PARD3B: variants seen among roughly 807,000 people sequenced by gnomAD.
PARD3B encodes par-3 family cell polarity regulator beta, also known as partitioning defective 3 homolog B.
A neutral mutation model predicts 130.2 loss-of-function variants in PARD3B; 103 were observed. The observed-to-expected ratio is 0.79, with a 90% CI of 0.67 to 0.93. The LOEUF is 0.93. Ranked by LOEUF, PARD3B falls within the 40% of genes least tolerant of loss-of-function variation. The pLI is 0.00. For missense variants in PARD3B, 1,609 were observed against 1,499.2 expected (o/e 1.07, Z -1.21); for synonymous variants, 583 against 553.2 (o/e 1.05, Z -0.76).
chr2:204,938,926 C>G (rs562791127), intron 2 of PARD3B, among the ~76,000 whole-genome samples: 15 of 152,142 alleles, frequency 9.9e-5, no homozygotes, highest in Non-Finnish European at 1.9e-4. Context: ...ATATGGATGC[C>G]CTTGACTATC....
intron 10 of PARD3B, among the ~76,000 whole-genome samples, chr2:205,140,508 A>G (rs1229793158): frequency 7.0e-6 from 1 of 142,878 alleles, no homozygotes; most frequent in Admixed American, 6.9e-5. Flanking sequence ...TTTTTTTTAA[A>G]GTTTCCAAAT....
At chr2:204,885,438 C>T (rs2046238873) in intron 2 of PARD3B, among the ~76,000 whole-genome samples, 1 of 152,112 alleles carries the variant, frequency 6.6e-6, no homozygotes, top group South Asian at 2.1e-4. Context: ...TGTTCATTAG[C>T]AGAGTGTTCT....
intron 1 of PARD3B, among the ~76,000 whole-genome samples, chr2:204,599,135 C>T (rs2033410891): frequency 6.6e-6 from 1 of 151,734 alleles, no homozygotes; most frequent in Non-Finnish European, 1.5e-5. Context: ...GCACAGTGAT[C>T]AGATCAGGGT....
chr2:204,843,026 C>G (rs7597537), intron 2 of PARD3B, among the ~76,000 whole-genome samples: 147,997 of 152,216 alleles, frequency 0.97, 72,037 homozygotes, highest in African/African-American at 1. Context: ...TTCAAACATG[C>G]GTGTCTGGGC....
chr2:205,223,291 G>A (rs914024088), intron 15 of PARD3B, among the ~76,000 whole-genome samples: 2 of 152,204 alleles, frequency 1.3e-5, no homozygotes, highest in African/African-American at 4.8e-5. Context: ...TATTAGTGAA[G>A]GTTTGGAGTA....
rs1272733452 is a variant in PARD3B, at chr2:205,366,629, T to C, written c.2631-34384T>C. 6.6e-6 allele frequency among the ~76,000 whole-genome samples: 1 copy of C among 152,220 alleles called. No individual in the cohort carries two copies. Among genetic ancestry groups the C allele is most frequent in the Non-Finnish European group, 1.5e-5 (1 of 68,044 alleles). The stretch of plus-strand genomic sequence containing the variant: ...ATCATGCTACCTGTCAGCATACAGA[T>C]GACACTCAAATCTGTCTCCTCTCAA... On this transcript the variant is annotated intron_variant, in intron 18 of 22. Coordinates refer to ENST00000406610, the MANE Select transcript of PARD3B (RefSeq NM_001302769.2). The surrounding 1 kb of genome is among the most constrained non-coding windows in gnomAD (Gnocchi z 5.0).
At chr2:204,914,628 C>G (rs1328423099) in intron 2 of PARD3B, among the ~76,000 whole-genome samples, 1 of 152,098 alleles carries the variant, frequency 6.6e-6, no homozygotes, top group Non-Finnish European at 1.5e-5. Flanking sequence ...TGTTCGAAAA[C>G]CAGTAAGAAA....
Position 205,615,825 on chromosome 2 carries a change from C to G in PARD3B, c.*12C>G, listed in dbSNP as rs368945010. The G allele has an allele frequency of 6.3e-7, 1 of 1,598,852 alleles. No homozygotes were observed. Among genetic ancestry groups the G allele is most frequent in the Admixed American group, 1.7e-5 (1 of 58,660 alleles). The stretch of plus-strand genomic sequence containing the variant: ...CTGCAGCCGTATAGCTGAGTGCCAC[C>G]GAGGCCAGCCCGGTCCAGAAAGGAA... On this transcript the variant is annotated 3_prime_UTR_variant, in exon 23 of 23. Coordinates refer to ENST00000406610, the MANE Select transcript of PARD3B (RefSeq NM_001302769.2).
intron 3 of PARD3B, among the ~76,000 whole-genome samples, chr2:204,978,421 C>T (rs1252802784): frequency 6.6e-6 from 1 of 152,094 alleles, no homozygotes; most frequent in East Asian, 1.9e-4. Context: ...AGTTCTCACC[C>T]CTTTTCTATT....
At position 205,591,808 on chromosome 2, in the gene PARD3B, G is replaced by T. The variant is rs1044463849; in HGVS notation, c.3261-23648G>T. ...TCAGGTCACTGAAGAAAAGGAAGCTGTCCGGTTTGGATAAAAATTCAATGT... is the reference window on the plus strand; with the variant it reads ...TCAGGTCACTGAAGAAAAGGAAGCTTTCCGGTTTGGATAAAAATTCAATGT... On this transcript the variant is annotated intron_variant, in intron 22 of 22. Coordinates refer to ENST00000406610, the MANE Select transcript of PARD3B (RefSeq NM_001302769.2). The surrounding 1 kb of genome is among the most constrained non-coding windows in gnomAD (Gnocchi z 4.2). 6.6e-6 allele frequency among the ~76,000 whole-genome samples: 1 copy of T among 152,198 alleles called. No individual in the cohort carries two copies. Among genetic ancestry groups the T allele is most frequent in the Admixed American group, 6.5e-5 (1 of 15,276 alleles).
intron 22 of PARD3B, among the ~76,000 whole-genome samples, chr2:205,581,161 T>C (rs2053948957): frequency 6.6e-6 from 1 of 151,116 alleles, no homozygotes; most frequent in Admixed American, 6.6e-5. Flanking sequence ...CTGTTCACAA[T>C]AGCCAAGATT....
intron 18 of PARD3B, among the ~76,000 whole-genome samples, chr2:205,362,002 T>TC (rs1437677057): frequency 3.2e-5 from 1 of 30,828 alleles, no homozygotes; most frequent in East Asian, 1.9e-3. Flanking sequence ...TAGAGTAATA[T>TC]TTTTTTTAGA....
At chr2:204,638,674 C>G (rs1300316821) in intron 1 of PARD3B, among the ~76,000 whole-genome samples, 1 of 151,790 alleles carries the variant, frequency 6.6e-6, no homozygotes, top group African/African-American at 2.4e-5. Context: ...GTAAGCATGC[C>G]AAGATTTTGG....
chr2:204,650,868 A>G (rs1328995315), intron 1 of PARD3B, among the ~76,000 whole-genome samples: 1 of 146,348 alleles, frequency 6.8e-6, no homozygotes, highest in Non-Finnish European at 1.5e-5. Flanking sequence ...GAAGGCAAGC[A>G]TATCTTACCA....
intron 1 of PARD3B, among the ~76,000 whole-genome samples, chr2:204,578,910 A>G (rs916772892): frequency 2.6e-5 from 4 of 152,052 alleles, no homozygotes; most frequent in African/African-American, 4.8e-5. Context: ...ATCACAGTCA[A>G]GCTGTAGACT....
At chr2:205,215,290 T>A (rs941381632) in intron 15 of PARD3B, among the ~76,000 whole-genome samples, 1 of 151,892 alleles carries the variant, frequency 6.6e-6, no homozygotes, top group Non-Finnish European at 1.5e-5. Context: ...TTTTTTTTTT[T>A]AATTCAGCAA....
rs2042009247 is a variant in PARD3B, at chr2:205,301,778, G to GA, written c.2630+83dup. The GA allele has an allele frequency of 1.9e-6, 3 of 1,610,994 alleles. No homozygotes were observed. Among genetic ancestry groups the GA allele is most frequent in the South Asian group, 1.1e-5 (1 of 91,016 alleles). ...AAAATCACTCCTTTGTCTGTACTCA[G>GA]AAAAAAGCGCACGCTTTTCCTCGTC... On this transcript the variant is annotated intron_variant, in intron 18 of 22. Coordinates refer to ENST00000406610, the MANE Select transcript of PARD3B (RefSeq NM_001302769.2). The surrounding 1 kb of genome is among the most constrained non-coding windows in gnomAD (Gnocchi z 5.2).
intron 20 of PARD3B, among the ~76,000 whole-genome samples, chr2:205,441,416 G>A (rs917387204): frequency 1.3e-5 from 2 of 152,144 alleles, no homozygotes; most frequent in East Asian, 3.9e-4. Flanking sequence ...AGTTTTAGTC[G>A]ATATACATTG....
At chr2:205,019,607 T>C (rs1588470) in intron 3 of PARD3B, among the ~76,000 whole-genome samples, 2 of 152,102 alleles carry the variant, frequency 1.3e-5, no homozygotes, top group Non-Finnish European at 2.9e-5. Flanking sequence ...CCACCAGCAG[T>C]GTATGGTCCC....
Sources: gnomAD v4.1 joint callset for allele counts (sites outside exome capture counted in the v4.1 genomes callset) on GRCh38, gnomAD v4.1.1 for gene constraint, Gnocchi (gnomAD v3.1) non-coding constraint, MANE v1.5 for transcripts, NCBI Gene and HGNC (gene_info 2026-07-23, HGNC 2026-07-21) for gene names.